Variants in POLQ observed in about 807,000 individuals in gnomAD.
POLQ encodes the protein epididymis secretory sperm binding protein.
POLQ carries 233 observed loss-of-function variants against 259.2 expected under a neutral mutation model. The ratio of observed to expected loss-of-function variants is 0.90; its 90% CI spans 0.81 to 1.00. POLQ has a LOEUF of 1.00. POLQ is among the 50% of genes least tolerant of loss of function. The pLI is 0.00. For synonymous variants in POLQ, 1,025 were observed against 1,048.8 expected, an observed-to-expected ratio of 0.98 and a Z score of 0.44; for missense variants, 2,871 against 3,051.6, an observed-to-expected ratio of 0.94 and a Z score of 1.39.
At chr3:121,492,820 T>TTC (rs1491026267) in intron 15 of POLQ, among the ~76,000 whole-genome samples, 1 of 106,056 alleles carries the variant, frequency 9.4e-6, no homozygotes, top group Non-Finnish European at 2.0e-5. Context: ...TTTTTTTTTT[T>TTC]CAGTTTTAGT....
At chr3:121,476,480 ACAC>A in intron 20 of POLQ, 57 bp downstream of exon 20, 1 of 1,264,192 alleles carries the variant, frequency 7.9e-7, no homozygotes, top group Non-Finnish European at 1.1e-6. Context: ...ACACACACAC[ACAC>A]ACAATCATTT....
intron 15 of POLQ, among the ~76,000 whole-genome samples, chr3:121,491,295 G>A (rs2048066386): frequency 7.3e-6 from 1 of 137,690 alleles, no homozygotes; most frequent in South Asian, 2.5e-4. Context: ...AGAGGTTGCA[G>A]TGAGCCGAGA....
intron 7 of POLQ, among the ~76,000 whole-genome samples, chr3:121,523,499 T>A: frequency 6.6e-6 from 1 of 151,952 alleles, no homozygotes; most frequent in East Asian, 1.9e-4. Context: ...ATCAGTTGAA[T>A]CCAGGAGTTT....
chr3:121,543,105 G>C (rs895126358), intron 2 of POLQ, among the ~76,000 whole-genome samples: 2 of 152,192 alleles, frequency 1.3e-5, no homozygotes, highest in Admixed American at 1.3e-4. Flanking sequence ...CCAGGTAATG[G>C]ACCTAAAAAC....
chr3:121,519,359 GAT>G (rs58512042), intron 9 of POLQ, among the ~76,000 whole-genome samples: 4,065 of 136,664 alleles, frequency 0.03, 177 homozygotes, highest in African/African-American at 0.097. Context: ...AACAGTTGAT[GAT>G]ATATATATAT....
Position 121,488,652 on chromosome 3 carries a change from C to T in POLQ, c.4279G>A (p.Gly1427Ser). 1.2e-6 allele frequency: 2 copies of T among 1,602,412 alleles called. No individual in the cohort carries two copies. The highest frequency in any genetic ancestry group is 4.5e-5 in the East Asian group (2 of 44,840). The change falls in exon 16 of 30, where the codon GGT (glycine) becomes AGT (serine). Residue 1427 changes from glycine (G) to serine (S), a missense_variant. Around this residue, in one of 3 missense-constraint regions of POLQ, gnomAD observed 2,080 missense variants for 2,126.0 expected, o/e 0.98. Coordinates refer to ENST00000264233, the MANE Select transcript of POLQ (RefSeq NM_199420.4). Reference sequence around the variant, plus strand: ...ACTTCATTCTTTTTTAAAAAAAGACCATTTTCCTCCAATAGTATTGGAGAA... The same window carrying T: ...ACTTCATTCTTTTTTAAAAAAAGACTATTTTCCTCCAATAGTATTGGAGAA... ...FHSPILLEEN[G>S]LFLKKNEVSV...
chr3:121,483,386 C>A lies in POLQ; in HGVS notation c.5970G>T (p.Lys1990Asn). 1 of 1,526,072 alleles carries A rather than the reference C, an allele frequency of 6.6e-7. No individual in the cohort carries two copies. Among genetic ancestry groups the A allele is most frequent in the Non-Finnish European group, 8.8e-7 (1 of 1,139,364 alleles). The allele number at this position is 1,526,072 out of a possible 1,614,324, so 94.5% of individuals were successfully genotyped here. A position where few individuals can be genotyped will look rare whatever the true frequency, so the allele number is the denominator to read the frequency against. The change falls in exon 18 of 30, where the codon AAG becomes AAT. Residue 1990 changes from lysine to asparagine, a missense_variant and splice_region_variant. Lys to Asn is a moderately conservative substitution (Grantham distance 94). Transcript: ENST00000264233. ...ISLEQSYEDP[K>N]VACWLLDPDS... ...ATAAAAATTAAATTAGACATAGAAC[C>A]TTAGGATCTTCATAACTTTGCTCCA...
At chr3:121,462,487 G>A (rs2047800146) in intron 24 of POLQ, among the ~76,000 whole-genome samples, 1 of 152,138 alleles carries the variant, frequency 6.6e-6, no homozygotes, top group Admixed American at 6.6e-5. Flanking sequence ...GCTGGAATTT[G>A]GAGAGAAAAG....
chr3:121,488,600 CTATT>C lies in POLQ; in HGVS notation c.4327_4330del (p.Asn1443ValfsTer12), dbSNP rs752025884. 8.7e-6 allele frequency: 14 copies of C among 1,607,578 alleles called. No homozygotes were observed. The highest frequency in any genetic ancestry group is 2.2e-5 in the South Asian group (2 of 89,392). ...TTGTGTTTGATAACCTTGAAGAAAA[CTATT>C]TAATTGTGAATCAGTAACAGAAACT... On this transcript the variant is annotated frameshift_variant, in exon 16 of 30. Transcript: ENST00000264233. LOFTEE classifies it high-confidence loss of function.
In POLQ at chr3:121,488,226, C is replaced by G. The variant is rs1442029861; in HGVS notation, c.4705G>C (p.Ala1569Pro). ...SEMDSVQMVE[A>P]LDNVDIFPVQ... Reference sequence around the variant, plus strand: ...GGAAATATATCCACATTGTCCAAAGCTTCAACCATCTGAACAGAATCCATT... The same window carrying G: ...GGAAATATATCCACATTGTCCAAAGGTTCAACCATCTGAACAGAATCCATT... Residue 1569 changes from alanine (A) to proline (P), a missense_variant, in exon 16 of 30, where the codon GCT becomes CCT. Physicochemically the swap from Ala to Pro is conservative, Grantham distance 27. Transcript: ENST00000264233. 1.9e-6 allele frequency: 3 copies of G among 1,613,308 alleles called. No homozygotes were observed. Among genetic ancestry groups the G allele is most frequent in the East Asian group, 4.5e-5 (2 of 44,884 alleles).
rs777436944 is a variant in POLQ, at chr3:121,490,425, G to A, written c.2523-17C>T. 2 of 1,590,790 alleles carry A rather than the reference G, an allele frequency of 1.3e-6. No homozygotes were observed. Among genetic ancestry groups the A allele is most frequent in the South Asian group, 1.1e-5 (1 of 89,940 alleles). ...TTCCGGGCACTACACAAGGAGATGGGAAAAGACAGAAATGAATTCATTCAT... is the reference window on the plus strand; with the variant it reads ...TTCCGGGCACTACACAAGGAGATGGAAAAAGACAGAAATGAATTCATTCAT... On this transcript the variant is annotated splice_polypyrimidine_tract_variant and intron_variant, in intron 15 of 29. Coordinates refer to ENST00000264233, the MANE Select transcript of POLQ (RefSeq NM_199420.4).
At chr3:121,521,903 T>G in intron 8 of POLQ, 100 bp downstream of exon 8, 3 of 847,310 alleles carry the variant, frequency 3.5e-6, no homozygotes, top group South Asian at 2.1e-5. Context: ...TCTAAGGACA[T>G]TAAGTGTGTT....
At chr3:121,537,637 C>A (rs2048460266) in intron 4 of POLQ, among the ~76,000 whole-genome samples, 2 of 152,058 alleles carry the variant, frequency 1.3e-5, no homozygotes, top group African/African-American at 4.8e-5. Context: ...TGATTTCATT[C>A]TTTTTATGAC....
chr3:121,510,328 A>C, intron 10 of POLQ, 85 bp from the exon 11 acceptor site: 1 of 910,918 alleles, frequency 1.1e-6, no homozygotes, highest in Non-Finnish European at 1.8e-6. Flanking sequence ...CTGTAATCCC[A>C]GCACTTTGGG....
rs2048021295 is a variant in POLQ, at chr3:121,487,433, T to C, written c.5498A>G (p.Asp1833Gly). 7 of 1,614,080 alleles carry C rather than the reference T, an allele frequency of 4.3e-6. No homozygotes were observed. The highest frequency in any genetic ancestry group is 5.9e-6 in the Non-Finnish European group (7 of 1,179,976). ...AATGAATGTTTGGAAAAGATTTTGG[T>C]CACTTGCTACATCAATTATGGACAA... ...ESLSIIDVAS[D>G]QNLFQTFIKE... Residue 1833 changes from aspartate to glycine, a missense_variant, in exon 16 of 30, where the codon GAC becomes GGC. Asp to Gly is a moderately conservative substitution (Grantham distance 94). This residue lies in a region of POLQ where 2,080 missense variants were observed against 2,126.0 expected (regional missense o/e 0.98). Coordinates refer to ENST00000264233, the MANE Select transcript of POLQ (RefSeq NM_199420.4).
intron 7 of POLQ, among the ~76,000 whole-genome samples, chr3:121,526,587 A>G (rs2048374919): frequency 6.6e-6 from 1 of 152,022 alleles, no homozygotes; most frequent in African/African-American, 2.4e-5. Context: ...AATTTTCTTA[A>G]TGGTATCTTG....
intron 24 of POLQ, among the ~76,000 whole-genome samples, chr3:121,465,643 T>G (rs1477056076): frequency 1.3e-5 from 2 of 152,214 alleles, no homozygotes; most frequent in African/African-American, 4.8e-5. Flanking sequence ...GCTCACATTA[T>G]TTCAAACCCT....
chr3:121,457,274 A>T (rs1363666770), intron 25 of POLQ, among the ~76,000 whole-genome samples: 1 of 152,256 alleles, frequency 6.6e-6, no homozygotes, highest in Non-Finnish European at 1.5e-5. Flanking sequence ...CTAAAACCAT[A>T]AAAACCCTAG....
At chr3:121,486,893 C>CAGAG (rs3045624) in intron 16 of POLQ, among the ~76,000 whole-genome samples, 3,384 of 140,428 alleles carry the variant, frequency 0.024, 47 homozygotes, top group Non-Finnish European at 0.033. Context: ...GAAAGAGAGA[C>CAGAG]AGAGAGAGAG....
Sources: allele counts gnomAD v4.1 joint callset (sites outside exome capture counted in the v4.1 genomes callset), GRCh38; gene constraint gnomAD v4.1.1; regional missense constraint gnomAD v4.1.1; transcripts MANE v1.5; gene names NCBI Gene and HGNC (gene_info 2026-07-23, HGNC 2026-07-21).